Variants in GAK observed in about 807,000 individuals in gnomAD.
The protein encoded by GAK is cyclin G associated kinase.
A neutral mutation model predicts 143.9 loss-of-function variants in GAK; 79 were observed. The ratio of observed to expected loss-of-function variants is 0.55; its 90% CI spans 0.46 to 0.66. The LOEUF (loss-of-function observed/expected upper bound fraction) is 0.66, where lower values mean the gene tolerates loss of function less well. GAK is among the 30% of genes least tolerant of loss of function. The pLI is 0.00. For synonymous variants in GAK, 881 were observed against 765.5 expected, an observed-to-expected ratio of 1.15 and a Z score of -2.49; for missense variants, 1,693 against 1,779.7, an observed-to-expected ratio of 0.95 and a Z score of 0.88.
chr4:903,597 A>G (rs1720398748), intron 5 of GAK, among the ~76,000 whole-genome samples: 1 of 148,652 alleles, frequency 6.7e-6, no homozygotes, highest in African/African-American at 2.5e-5. Context: ...CTGAGGAAGG[A>G]GCGTGGGATG....
chr4:868,412 A>G, intron 20 of GAK, 127 bp downstream of exon 20: 1 of 828,234 alleles, frequency 1.2e-6, no homozygotes, highest in South Asian at 1.8e-5. Flanking sequence ...CCGGGTGCAC[A>G]GCCCCACTGA....
chr4:870,763 G>C lies in GAK; in HGVS notation c.2196C>G (p.Pro732=), dbSNP rs767641480. The change falls in exon 19 of 28, where the codon CCC becomes CCG. Residue 732 remains proline (P), a synonymous_variant. Coordinates refer to ENST00000314167, the MANE Select transcript of GAK (RefSeq NM_005255.4). ...CCTCCCGGCTGGAAAACAGGATTTTGGGGTTCAGCCCCCTCATGCTCGAGT... is the reference window on the plus strand; with the variant it reads ...CCTCCCGGCTGGAAAACAGGATTTTCGGGTTCAGCCCCCTCATGCTCGAGT... The part of the protein sequence containing the change: ...WENSSMRGLN[P]KILFSSREEQ... 6.2e-7 allele frequency: 1 copy of C among 1,614,052 alleles called. No individual in the cohort carries two copies. Among genetic ancestry groups the C allele is most frequent in the South Asian group, 1.1e-5 (1 of 91,058 alleles).
At chr4:891,104 A>G (rs1717563272) in intron 9 of GAK, among the ~76,000 whole-genome samples, 1 of 152,004 alleles carries the variant, frequency 6.6e-6, no homozygotes. Flanking sequence ...GACTACAGGC[A>G]TGCGCCACCA....
At chr4:931,346 C>T (rs1725719117) in intron 1 of GAK, among the ~76,000 whole-genome samples, 1 of 152,106 alleles carries the variant, frequency 6.6e-6, no homozygotes. Context: ...AGATGTTCAC[C>T]GGGAAGAGAA....
chr4:880,537 T>C (rs1443819626), intron 15 of GAK, among the ~76,000 whole-genome samples: 2 of 152,186 alleles, frequency 1.3e-5, no homozygotes, highest in Non-Finnish European at 2.9e-5. Context: ...CCACAGAGAC[T>C]GTGCCTTCCA....
At chr4:915,608 A>G (rs565471764) in intron 1 of GAK, 1 of 152,306 alleles carries the variant, frequency 6.6e-6, no homozygotes, top group East Asian at 1.9e-4. Flanking sequence ...ATTTAATTCT[A>G]TTGTTTTGGG....
intron 9 of GAK, among the ~76,000 whole-genome samples, chr4:891,727 T>A (rs1456569160): frequency 6.6e-6 from 1 of 152,100 alleles, no homozygotes. Flanking sequence ...GCGAGCCCAC[T>A]GTCCTCTGTG....
intron 23 of GAK, among the ~76,000 whole-genome samples, chr4:862,834 C>G (rs552713520): frequency 6.6e-6 from 1 of 152,158 alleles, no homozygotes; most frequent in Admixed American, 6.5e-5. Flanking sequence ...GCTGACAATA[C>G]GGACAATGCA....
In GAK at chr4:849,963, C is replaced by T. The variant is rs1747813847; in HGVS notation, c.3763G>A (p.Ala1255Thr). 6.2e-7 allele frequency: 1 copy of T among 1,611,720 alleles called. No homozygotes were observed. Among genetic ancestry groups the T allele is most frequent in the Non-Finnish European group, 8.5e-7 (1 of 1,179,418 alleles). The change falls in exon 27 of 28, where the codon GCC (alanine) becomes ACC (threonine). Residue 1255 changes from alanine to threonine, a missense_variant. Transcript: ENST00000314167. ...ACTTGCTCCGGAGCCACCAGGTCGG[C>T]CATGCCCACGGGCGTCCAGCGGCTC... The part of the protein sequence containing the change: ...GESRWTPVGM[A>T]DLVAPEQVKK...
chr4:913,480 G>A lies in GAK; in HGVS notation c.207+127C>T, dbSNP rs577019752. 7.3e-5 allele frequency: 55 copies of A among 755,614 alleles called. No homozygotes were observed. The South Asian group carries it at 8.1e-4, about 11-fold the overall frequency. 46.8% of individuals were successfully genotyped at this position (755,614 alleles called of 1,614,324 possible). On this transcript the variant is annotated intron_variant, in intron 2 of 27. Coordinates refer to ENST00000314167, the MANE Select transcript of GAK (RefSeq NM_005255.4). ...GCTGAGATTCAGCAGAAGCAAAAGG[G>A]ACAAGTATGTCCAGGCTGTAAAAGG... is the stretch of plus-strand genomic sequence containing the variant.
At chr4:892,361 G>A (rs1717839838) in intron 9 of GAK, among the ~76,000 whole-genome samples, 1 of 152,164 alleles carries the variant, frequency 6.6e-6, no homozygotes, top group African/African-American at 2.4e-5. Flanking sequence ...TCCTGACTGG[G>A]CCCTGAGCTG....
At chr4:849,833 G>GGGGGGCCCCCCCCCCCC in intron 27 of GAK, 59 bp from the exon 28 acceptor site, 1 of 1,190,152 alleles carries the variant, frequency 8.4e-7, no homozygotes, top group Non-Finnish European at 1.2e-6. Flanking sequence ...GGCGGGGCAG[G>GGGGGGCCCCCCCCCCCC]ACCCCCCCCC....
chr4:919,254 A>G (rs2152959337), intron 1 of GAK, among the ~76,000 whole-genome samples: 1 of 149,858 alleles, frequency 6.7e-6, no homozygotes, highest in African/African-American at 2.5e-5. Flanking sequence ...CCTTAGAAAG[A>G]CAGAAGGCTC....
intron 1 of GAK, among the ~76,000 whole-genome samples, chr4:914,370 CCA>C (rs1560428552): frequency 3.4e-5 from 4 of 117,508 alleles, no homozygotes; most frequent in Non-Finnish European, 3.6e-5. Flanking sequence ...TGCACGGCCC[CCA>C]CACACACAGC....
At chr4:913,479 G>T in intron 2 of GAK, 128 bp downstream of exon 2, 1 of 749,282 alleles carries the variant, frequency 1.3e-6, no homozygotes. Flanking sequence ...GAAGCAAAAG[G>T]GACAAGTATG....
In GAK at chr4:882,626, T is replaced by A. The variant is rs986070528; in HGVS notation, c.1527+71A>T. Reference sequence around the variant, plus strand: ...CCCCAGCTCATGACTGGCGCTCAGATCCTGTTGAACTATGCATGAAATAAT... The same window carrying A: ...CCCCAGCTCATGACTGGCGCTCAGAACCTGTTGAACTATGCATGAAATAAT... On this transcript the variant is annotated intron_variant, in intron 14 of 27. Coordinates refer to ENST00000314167, the MANE Select transcript of GAK (RefSeq NM_005255.4). 15 of 1,566,958 alleles carry A rather than the reference T, an allele frequency of 9.6e-6. No individual in the cohort carries two copies. The Admixed American group carries it at 2.5e-4, about 27-fold the overall frequency.
intron 15 of GAK, among the ~76,000 whole-genome samples, chr4:881,409 AAC>A (rs750425544): frequency 3.0e-4 from 45 of 152,204 alleles, no homozygotes; most frequent in Non-Finnish European, 4.3e-4. Flanking sequence ...GAGAGCCCTA[AAC>A]ACGCTGTGAC....
At chr4:903,899 G>A (rs1272723573) in intron 5 of GAK, among the ~76,000 whole-genome samples, 1 of 152,274 alleles carries the variant, frequency 6.6e-6, no homozygotes, top group Non-Finnish European at 1.5e-5. Flanking sequence ...GCCCCCAGCA[G>A]GGAGGCGGGG....
At chr4:859,134 C>T in intron 24 of GAK, 1 of 981,992 alleles carries the variant, frequency 1.0e-6, no homozygotes, top group Non-Finnish European at 1.2e-6. Context: ...GCGCCCGGGG[C>T]CGGGCCTGAG....
Sources: gnomAD v4.1 joint callset for allele counts (sites outside exome capture counted in the v4.1 genomes callset) on GRCh38, gnomAD v4.1.1 for gene constraint, MANE v1.5 for transcripts, NCBI Gene and HGNC (gene_info 2026-07-23, HGNC 2026-07-21) for gene names.